Variants in TAF7L observed in about 807,000 individuals in gnomAD.
TAF7L encodes TATA-box binding protein associated factor 7 like.
A neutral mutation model predicts 30.2 loss-of-function variants in TAF7L; 6 were observed. The observed-to-expected ratio is 0.20, with a 90% confidence interval of 0.11 to 0.39. TAF7L has a LOEUF of 0.39. Ranked by LOEUF, TAF7L falls within the 10% of genes least tolerant of loss-of-function variation. TAF7L has a pLI of 1.00. For synonymous variants in TAF7L, 93 were observed against 94.5 expected, an observed-to-expected ratio of 0.98 and a Z score of 0.09; for missense variants, 284 against 277.1, an observed-to-expected ratio of 1.03 and a Z score of -0.18.
chrX:101,280,490 G>A (rs185443473), intron 6 of TAF7L, among the ~76,000 whole-genome samples: 5 of 111,509 alleles, frequency 4.5e-5, no homozygotes, highest in African/African-American at 1.3e-4. Context: ...ACCTAATGCT[G>A]GTGAGGAGGT....
At chrX:101,292,940 C>G (rs778574550), upstream of TAF7L, 3 of 1,210,768 alleles carry the variant, frequency 2.5e-6, no homozygotes, top group Middle Eastern at 2.3e-4. Context: ...GACCCACGGT[C>G]GACAAGAATT....
At chrX:101,293,056 G>T (rs200553188), upstream of TAF7L, 1 of 1,208,077 alleles carries the variant, frequency 8.3e-7, no homozygotes, top group African/African-American at 1.8e-5. Context: ...GGCCCACCTC[G>T]TTGGGGTTGT....
chrX:101,292,711 T>A (rs1924867900), upstream of TAF7L: 1 of 1,137,355 alleles, frequency 8.8e-7, no homozygotes, highest in African/African-American at 1.8e-5. Context: ...TTCAAACAAA[T>A]TTTGAATCGA....
intron 12 of TAF7L, 84 bp from the exon 13 acceptor site, chrX:101,269,321 C>T (rs1445580157): frequency 2.4e-6 from 2 of 837,554 alleles, no homozygotes; most frequent in Non-Finnish European, 3.5e-6. Context: ...TTAAATGAAC[C>T]AAAAAGAACT....
intron 4 of TAF7L, 145 bp from the exon 5 acceptor site, chrX:101,282,598 TTC>T (rs1339516768): frequency 7.5e-6 from 5 of 662,815 alleles, no homozygotes; most frequent in Non-Finnish European, 1.1e-5. Context: ...TACATTTATA[TTC>T]TCTCATTTTT....
chrX:101,284,840 G>A (rs1012843828), intron 3 of TAF7L, among the ~76,000 whole-genome samples: 1 of 108,311 alleles, frequency 9.2e-6, no homozygotes, highest in Non-Finnish European at 1.9e-5. Context: ...TGTTTTTTAG[G>A]CAGATAAACT....
chrX:101,287,772 A>G (rs1924657047), intron 1 of TAF7L: 3 of 304,786 alleles, frequency 9.8e-6, no homozygotes, highest in African/African-American at 5.5e-5. Context: ...TCCAAAGTCA[A>G]TCCAAATTAC....
chrX:101,279,632 A>G (rs1369365385), intron 6 of TAF7L, among the ~76,000 whole-genome samples: 2 of 111,085 alleles, frequency 1.8e-5, no homozygotes, highest in Non-Finnish European at 3.8e-5. Flanking sequence ...AAAAATAAAT[A>G]AATAAATAAA....
Position 101,286,579 on chromosome X carries a change from T to C in TAF7L, c.141A>G (p.Leu47=). 8.3e-7 allele frequency: 1 copy of C among 1,198,688 alleles called. No homozygotes were observed. Among genetic ancestry groups the C allele is most frequent in the Non-Finnish European group, 1.1e-6 (1 of 884,725 alleles). ...GAATGGATATTAACTACTTACGCAATAAGTCAATTTTTAGTTTATCCTTCA... is the reference window on the plus strand; with the variant it reads ...GAATGGATATTAACTACTTACGCAACAAGTCAATTTTTAGTTTATCCTTCA... ...VKMKDKLKID[L]LPDGRHAVVE... Residue 47 remains leucine, a synonymous_variant, in exon 3 of 13, where the codon TTA becomes TTG. Transcript: ENST00000356784.
intron 12 of TAF7L, among the ~76,000 whole-genome samples, chrX:101,271,692 A>G (rs5967289): frequency 0.02 from 2,246 of 111,218 alleles, 73 homozygotes; most frequent in African/African-American, 0.071. Context: ...ATAGTAAAAT[A>G]ATTTAAAAAT....
At chrX:101,286,745 T>C in intron 2 of TAF7L, 92 bp from the exon 3 acceptor site, 1 of 640,897 alleles carries the variant, frequency 1.6e-6, no homozygotes, top group Non-Finnish European at 2.4e-6. Context: ...CTCCCTTAAA[T>C]AAAACTTTAC....
At chrX:101,269,806 C>A (rs1923910853) in intron 12 of TAF7L, among the ~76,000 whole-genome samples, 1 of 111,489 alleles carries the variant, frequency 9.0e-6, no homozygotes, top group Non-Finnish European at 1.9e-5. Flanking sequence ...CACAGACAAA[C>A]CATATCAAGC....
chrX:101,279,062 T>TTATA (rs1487138925), intron 6 of TAF7L, 27 bp from the exon 7 acceptor site: 1 of 1,142,886 alleles, frequency 8.7e-7, no homozygotes, highest in Non-Finnish European at 1.2e-6. Flanking sequence ...AATAAACAAG[T>TTATA]TATATTATGA....
chrX:101,276,055 T>C lies in TAF7L; in HGVS notation c.971A>G (p.Asn324Ser), dbSNP rs200182746. ...KKEKKLHKIQ[N>S]KAQRQKDLIM... ...GAGATCCTTCTGTCTTTGTGCTTTA[T>C]TCTGAATCTTATGGAGCTTTTTCTC... Residue 324 changes from asparagine (N) to serine (S), a missense_variant, in exon 11 of 13, where the codon AAT (asparagine) becomes AGT (serine). By Grantham distance (46) the Asn-to-Ser change is conservative. Coordinates refer to ENST00000356784, the MANE Select transcript of TAF7L (RefSeq NM_001168474.2). 1 of 1,207,320 alleles carries C rather than the reference T, an allele frequency of 8.3e-7. No individual in the cohort carries two copies. Among genetic ancestry groups the C allele is most frequent in the Non-Finnish European group, 1.1e-6 (1 of 894,314 alleles).
chrX:101,269,161 C>G lies in TAF7L; in HGVS notation c.*32G>C, dbSNP rs1364614683. The G allele has an allele frequency of 1.7e-6, 2 of 1,195,584 alleles. No homozygotes were observed. Among genetic ancestry groups the G allele is most frequent in the Non-Finnish European group, 1.1e-6 (1 of 883,598 alleles). ...CCAATCTGCAGTCTGGATGGTGAAT[C>G]CAAGGTTTGTGGGCCACGCCAATGG... On this transcript the variant is annotated 3_prime_UTR_variant, in exon 13 of 13. Transcript: ENST00000356784.
intron 7 of TAF7L, 33 bp downstream of exon 7, chrX:101,278,961 G>A: frequency 1.7e-6 from 2 of 1,156,576 alleles, no homozygotes; most frequent in Non-Finnish European, 2.4e-6. Context: ...ACACATTAAG[G>A]GTAAAAATGA....
chrX:101,276,345 G>C lies in TAF7L; in HGVS notation c.875C>G (p.Ser292Cys). Residue 292 changes from serine (S) to cysteine (C), a missense_variant, in exon 10 of 13, where the codon TCT becomes TGT. Transcript: ENST00000356784. ...ACCTTCATTTGCCCTATACTGGCCAGATTCAATAAACTCGGCCTGCAGCTG... is the reference window on the plus strand; with the variant it reads ...ACCTTCATTTGCCCTATACTGGCCACATTCAATAAACTCGGCCTGCAGCTG... The part of the protein sequence containing the change: ...ERQLQAEFIE[S>C]GQYRANEGTS... 6 of 1,211,146 alleles carry C rather than the reference G, an allele frequency of 5.0e-6. No homozygotes were observed. The highest frequency in any genetic ancestry group is 6.7e-6 in the Non-Finnish European group (6 of 895,319).
intron 11 of TAF7L, 24 bp from the exon 12 acceptor site, chrX:101,275,305 A>T: frequency 1.0e-6 from 1 of 1,002,219 alleles, no homozygotes; most frequent in Non-Finnish European, 1.3e-6. Flanking sequence ...TGTATAAATG[A>T]TGAACACTGA....
chrX:101,291,429 G>GC, upstream of TAF7L: 8 of 291,273 alleles, frequency 2.7e-5, no homozygotes, highest in Non-Finnish European at 3.7e-5. Flanking sequence ...GCGGACTGGA[G>GC]CACGACTTCG....
Sources: gnomAD v4.1 joint callset for allele counts (sites outside exome capture counted in the v4.1 genomes callset) on GRCh38, gnomAD v4.1.1 for gene constraint, MANE v1.5 for transcripts, NCBI Gene and HGNC (gene_info 2026-07-23, HGNC 2026-07-21) for gene names.